The following CACNA2D1 variants were observed in gnomAD, a reference collection of about 807,000 sequenced individuals.
CACNA2D1 encodes the protein voltage-dependent calcium channel subunit alpha-2/delta-1.
Under a neutral mutation model 171.5 loss-of-function variants are expected in CACNA2D1, and 53 were observed. The ratio of observed to expected loss-of-function variants is 0.31; its 90% CI spans 0.25 to 0.39. The LOEUF (loss-of-function observed/expected upper bound fraction) is 0.39, where lower values mean the gene tolerates loss of function less well. Among genes scored for constraint, CACNA2D1 ranks in the 10% least tolerant of loss-of-function variants. The pLI is 1.00. For synonymous variants in CACNA2D1, 442 were observed against 443.1 expected (o/e 1.00, Z 0.03); for missense variants, 903 against 1,299.8 (o/e 0.69, Z 4.69).
intron 12 of CACNA2D1, among the ~76,000 whole-genome samples, chr7:82,025,476 C>A (rs1212524717): frequency 6.6e-6 from 1 of 151,656 alleles, no homozygotes; most frequent in Non-Finnish European, 1.5e-5. Flanking sequence ...TATAGAAACA[C>A]AACTGATTTT....
intron 10 of CACNA2D1, among the ~76,000 whole-genome samples, chr7:82,047,847 C>T (rs879601852): frequency 1.3e-5 from 2 of 151,978 alleles, no homozygotes; most frequent in Non-Finnish European, 2.9e-5. Context: ...ATTAAATAAA[C>T]GAAGTGGTTG....
chr7:82,318,456 T>G (rs2129436773), intron 3 of CACNA2D1, among the ~76,000 whole-genome samples: 1 of 152,266 alleles, frequency 6.6e-6, no homozygotes, highest in African/African-American at 2.4e-5. Flanking sequence ...ACTAAGTAAT[T>G]ACAGTGAGAT....
chr7:81,969,683 T>G, intron 28 of CACNA2D1, among the ~76,000 whole-genome samples, 198 bp downstream of exon 28: 1 of 151,278 alleles, frequency 6.6e-6, no homozygotes, highest in East Asian at 1.9e-4. Flanking sequence ...GAAGACTGTT[T>G]GCTGTGTATG....
At chr7:82,064,799 A>G (rs1250861968) in intron 8 of CACNA2D1, among the ~76,000 whole-genome samples, 1 of 152,156 alleles carries the variant, frequency 6.6e-6, no homozygotes, top group East Asian at 1.9e-4. Flanking sequence ...AAGAAATATA[A>G]CTGGCCAATA....
chr7:82,151,516 G>T (rs1362598558), intron 4 of CACNA2D1, among the ~76,000 whole-genome samples: 1 of 152,086 alleles, frequency 6.6e-6, no homozygotes, highest in Non-Finnish European at 1.5e-5. Flanking sequence ...ATTAGGCAAA[G>T]AATTCCAAAT....
intron 1 of CACNA2D1, among the ~76,000 whole-genome samples, chr7:82,351,514 G>A (rs1320207130): frequency 1.3e-5 from 2 of 151,818 alleles, no homozygotes; most frequent in African/African-American, 4.8e-5. Flanking sequence ...ATTAAAACTA[G>A]GAATACTTTA....
intron 38 of CACNA2D1, among the ~76,000 whole-genome samples, chr7:81,958,103 G>T (rs376202229): frequency 7.3e-6 from 1 of 137,056 alleles, no homozygotes; most frequent in Non-Finnish European, 1.5e-5. Context: ...ATCTTAAAAA[G>T]AAAAAAAAAA....
chr7:82,128,229 C>T lies in CACNA2D1; in HGVS notation c.396+8406G>A, dbSNP rs150611825. Among the ~76,000 whole-genome samples the T allele has an allele frequency of 2.4e-4, 37 of 152,116 alleles. No individual in the cohort carries two copies. In the East Asian group the frequency reaches 6.0e-3, roughly 25 times the overall value. On this transcript the variant is annotated intron_variant, in intron 5 of 38. Coordinates refer to ENST00000356860, the MANE Select transcript of CACNA2D1 (RefSeq NM_000722.4). ...ACAGGTGTGCACCACAACGCCTGGC[C>T]GCTACCTGTGTTTTTAAGTTTCAAG...
chr7:82,166,180 C>T, intron 4 of CACNA2D1, among the ~76,000 whole-genome samples: 1 of 151,996 alleles, frequency 6.6e-6, no homozygotes, highest in East Asian at 1.9e-4. Context: ...AAAATATCAA[C>T]ATTTCAAAAT....
chr7:81,970,642 G>A (rs752489392), intron 27 of CACNA2D1, 33 bp downstream of exon 27: 17 of 1,167,918 alleles, frequency 1.5e-5, no homozygotes, highest in East Asian at 4.7e-5. Flanking sequence ...CTTTTGTAAT[G>A]TACTTGTTTT....
At chr7:82,099,561 T>C (rs1208451525) in intron 6 of CACNA2D1, among the ~76,000 whole-genome samples, 1 of 102,550 alleles carries the variant, frequency 9.8e-6, no homozygotes, top group African/African-American at 3.4e-5. Flanking sequence ...GCCATTCTCC[T>C]GCCTCAGCCT....
chr7:82,332,369 T>C (rs1255339254), intron 3 of CACNA2D1, among the ~76,000 whole-genome samples: 1 of 152,178 alleles, frequency 6.6e-6, no homozygotes, highest in Non-Finnish European at 1.5e-5. Flanking sequence ...GTTATTATTT[T>C]CAATGAAATG....
chr7:82,050,602 G>C (rs747750070), intron 10 of CACNA2D1: 1 of 702,586 alleles, frequency 1.4e-6, no homozygotes, highest in South Asian at 1.5e-5. Context: ...AAATCTCTTC[G>C]GGAGAAGGAG....
At chr7:82,194,605 ATACTC>A (rs1468229031) in intron 3 of CACNA2D1, among the ~76,000 whole-genome samples, 2 of 152,054 alleles carry the variant, frequency 1.3e-5, no homozygotes, top group Admixed American at 1.3e-4. Context: ...AGGGCAAACA[ATACTC>A]TATCATGTTT....
At chr7:82,005,960 T>C in intron 16 of CACNA2D1, 121 bp from the exon 17 acceptor site, 1 of 723,848 alleles carries the variant, frequency 1.4e-6, no homozygotes, top group South Asian at 1.5e-5. Flanking sequence ...TAAATGTATA[T>C]ATAGGGTGAA....
chr7:82,244,359 C>T (rs1008303379), intron 3 of CACNA2D1, among the ~76,000 whole-genome samples: 6 of 151,876 alleles, frequency 4.0e-5, no homozygotes, highest in Admixed American at 1.3e-4. Context: ...TAAGACAAAA[C>T]GAAGGAAGTG....
At chr7:81,988,005 C>A (rs1376751759) in intron 21 of CACNA2D1, among the ~76,000 whole-genome samples, 1 of 152,142 alleles carries the variant, frequency 6.6e-6, no homozygotes, top group Non-Finnish European at 1.5e-5. Flanking sequence ...TCACTGGGTG[C>A]ATGCGGAAAA....
At chr7:82,242,571 T>C (rs1173927769) in intron 3 of CACNA2D1, among the ~76,000 whole-genome samples, 1 of 152,214 alleles carries the variant, frequency 6.6e-6, no homozygotes, top group Non-Finnish European at 1.5e-5. Context: ...CAACTTTTTC[T>C]TGCTCATATG....
intron 1 of CACNA2D1, among the ~76,000 whole-genome samples, chr7:82,370,096 T>A (rs1387274848): frequency 6.6e-6 from 1 of 152,046 alleles, no homozygotes; most frequent in South Asian, 2.1e-4. Flanking sequence ...ATACTTAATG[T>A]TAAAATCTTT....
Sources: gnomAD v4.1 joint callset for allele counts (sites outside exome capture counted in the v4.1 genomes callset) on GRCh38, gnomAD v4.1.1 for gene constraint, MANE v1.5 for transcripts, NCBI Gene and HGNC (gene_info 2026-07-23, HGNC 2026-07-21) for gene names.